The following ANKS1B variants were observed in gnomAD, a reference collection of about 807,000 sequenced individuals.
The protein encoded by ANKS1B is ankyrin repeat and sterile alpha motif domain containing 1B.
In ANKS1B, 36 loss-of-function variants were observed where a neutral mutation model predicts 148.3. The observed-to-expected ratio is 0.24, with a 90% CI of 0.19 to 0.32. The LOEUF (loss-of-function observed/expected upper bound fraction) is 0.32. Among genes scored for constraint, ANKS1B ranks in the 10% least tolerant of loss-of-function variants. The pLI is 1.00. For synonymous variants in ANKS1B, 542 were observed against 560.8 expected, an observed-to-expected ratio of 0.97 and a Z score of 0.47; for missense variants, 1,157 against 1,542.6, an observed-to-expected ratio of 0.75 and a Z score of 4.19.
intron 9 of ANKS1B, among the ~76,000 whole-genome samples, chr12:99,594,212 G>A (rs1287005984): frequency 6.6e-6 from 1 of 152,096 alleles, no homozygotes; most frequent in Non-Finnish European, 1.5e-5. Context: ...TAAAACTGAA[G>A]TGGTCCTGAG....
At chr12:99,250,878 A>G (rs1355845094) in intron 12 of ANKS1B, among the ~76,000 whole-genome samples, 1 of 152,182 alleles carries the variant, frequency 6.6e-6, no homozygotes, top group African/African-American at 2.4e-5. Flanking sequence ...ATATAACAAA[A>G]TTTCATAAAC....
At chr12:99,552,907 G>GA (rs1364646003) in intron 9 of ANKS1B, among the ~76,000 whole-genome samples, 1 of 152,058 alleles carries the variant, frequency 6.6e-6, no homozygotes, top group East Asian at 1.9e-4. Context: ...ATAATTATGA[G>GA]AAAAAAGTCT....
intron 6 of ANKS1B, among the ~76,000 whole-genome samples, chr12:99,775,997 T>A (rs571984479): frequency 6.6e-6 from 1 of 152,304 alleles, no homozygotes; most frequent in East Asian, 1.9e-4. Flanking sequence ...ATTTTCCATC[T>A]GAAGATTTTA....
Position 99,832,228 on chromosome 12 carries a change from A to G in ANKS1B, c.135-6839T>C, listed in dbSNP as rs557287097. ...ACTCCACTTTTCAGGATTGATATCT[A>G]TGAAATAAAAATATTCATATGAAGA... On this transcript the variant is annotated intron_variant, in intron 1 of 26. Transcript: ENST00000683438. Among the ~76,000 whole-genome samples, 7 of 152,348 alleles carry G rather than the reference A, an allele frequency of 4.6e-5. No homozygotes were observed. In the South Asian group the frequency reaches 1.2e-3, roughly 27 times the overall value.
chr12:99,941,910 G>A (rs953441982), intron 1 of ANKS1B, among the ~76,000 whole-genome samples: 1 of 152,170 alleles, frequency 6.6e-6, no homozygotes, highest in African/African-American at 2.4e-5. Flanking sequence ...AAGGTGGACA[G>A]GGAGGACGGT....
At chr12:99,793,103 C>T (rs2065860360) in intron 4 of ANKS1B, among the ~76,000 whole-genome samples, 1 of 151,720 alleles carries the variant, frequency 6.6e-6, no homozygotes, top group Non-Finnish European at 1.5e-5. Context: ...AGTAGCCACA[C>T]ATAAAACTAA....
chr12:99,450,763 A>G (rs1391812962), intron 10 of ANKS1B, among the ~76,000 whole-genome samples: 3 of 152,228 alleles, frequency 2.0e-5, no homozygotes, highest in Admixed American at 2.0e-4. Flanking sequence ...ATCCTTTTAA[A>G]GTAATAAATG....
chr12:98,930,512 C>T (rs2152958239), intron 17 of ANKS1B, among the ~76,000 whole-genome samples: 1 of 152,080 alleles, frequency 6.6e-6, no homozygotes, highest in South Asian at 2.1e-4. Flanking sequence ...TTAAAAATAG[C>T]CCCAAAGTCT....
chr12:99,362,664 C>T (rs1200641812), intron 12 of ANKS1B, among the ~76,000 whole-genome samples: 1 of 151,952 alleles, frequency 6.6e-6, no homozygotes, highest in Non-Finnish European at 1.5e-5. Context: ...ATAAAAATAT[C>T]TGCTATAAAG....
At position 99,775,091 on chromosome 12, in the gene ANKS1B, T is replaced by C. The variant is rs373326628; in HGVS notation, c.961+457A>G. ...GATTTAAAATACAGCATGGTGACTA[T>C]AGTTAATAATATTCTATTGTATACC... On this transcript the variant is annotated intron_variant, in intron 7 of 26. Transcript: ENST00000683438. Among the ~76,000 whole-genome samples the C allele has an allele frequency of 1.1e-4, 17 of 152,216 alleles. No individual in the cohort carries two copies. In the East Asian group the frequency reaches 2.1e-3, roughly 19 times the overall value.
At chr12:99,950,176 G>C (rs2095180776) in intron 1 of ANKS1B, among the ~76,000 whole-genome samples, 1 of 117,634 alleles carries the variant, frequency 8.5e-6, no homozygotes, top group Non-Finnish European at 1.6e-5. Flanking sequence ...GCCCAGGCTT[G>C]TCTCAAACTC....
chr12:99,347,307 TG>T (rs2090836070), intron 12 of ANKS1B, among the ~76,000 whole-genome samples: 1 of 151,918 alleles, frequency 6.6e-6, no homozygotes, highest in South Asian at 2.1e-4. Context: ...GTGAGATGCT[TG>T]GGGGAGTAAG....
chr12:99,744,618 C>T (rs1213489874), intron 8 of ANKS1B, among the ~76,000 whole-genome samples: 2 of 152,200 alleles, frequency 1.3e-5, no homozygotes, highest in Non-Finnish European at 2.9e-5. Context: ...ACTGCCTTAG[C>T]AGCCTGAATA....
intron 12 of ANKS1B, among the ~76,000 whole-genome samples, chr12:99,265,996 C>T (rs2076406728): frequency 6.6e-6 from 1 of 152,174 alleles, no homozygotes; most frequent in South Asian, 2.1e-4. Context: ...CATACTAATA[C>T]AGATATTTTT....
At chr12:99,811,633 C>G (rs1362885071) in intron 3 of ANKS1B, among the ~76,000 whole-genome samples, 1 of 151,646 alleles carries the variant, frequency 6.6e-6, no homozygotes, top group East Asian at 1.9e-4. Context: ...TTATTCTGGG[C>G]ATATGTGTTT....
At chr12:99,925,026 G>C (rs2094450667) in intron 1 of ANKS1B, among the ~76,000 whole-genome samples, 1 of 152,080 alleles carries the variant, frequency 6.6e-6, no homozygotes, top group Admixed American at 6.6e-5. Flanking sequence ...TTTGTTCATA[G>C]TTGTATCCCC....
At chr12:99,557,647 T>C (rs930114017) in intron 9 of ANKS1B, among the ~76,000 whole-genome samples, 5 of 152,226 alleles carry the variant, frequency 3.3e-5, no homozygotes, top group Non-Finnish European at 7.3e-5. Context: ...ATTCATATTC[T>C]GAATTCTATG....
At chr12:99,798,827 T>C (rs2066583252) in intron 4 of ANKS1B, among the ~76,000 whole-genome samples, 1 of 152,080 alleles carries the variant, frequency 6.6e-6, no homozygotes, top group Non-Finnish European at 1.5e-5. Flanking sequence ...TCACTTCATA[T>C]CAAAGGAAGC....
intron 9 of ANKS1B, among the ~76,000 whole-genome samples, chr12:99,575,392 GC>G (rs1170928406): frequency 2.6e-5 from 4 of 152,176 alleles, no homozygotes; most frequent in Middle Eastern, 3.4e-3. Flanking sequence ...TTAAGGGAGT[GC>G]TAAACATGGA....
Sources: gnomAD v4.1 joint callset for allele counts (sites outside exome capture counted in the v4.1 genomes callset) on GRCh38, gnomAD v4.1.1 for gene constraint, MANE v1.5 for transcripts, NCBI Gene and HGNC (gene_info 2026-07-23, HGNC 2026-07-21) for gene names.